OR2I1: variants seen among roughly 807,000 people sequenced by gnomAD.
The protein encoded by OR2I1 is olfactory receptor family 2 subfamily I member 1 (gene/pseudogene).
the OR2I1 span, among the ~76,000 whole-genome samples, chr6:29,551,647 A>C: frequency 4.6e-5 from 7 of 151,800 alleles, no homozygotes; most frequent in Non-Finnish European, 1.0e-4. Context: ...GCATTTATTA[A>C]AGGATGACAG....
the OR2I1 span, chr6:29,557,633 G>C: frequency 1.3e-5 from 2 of 152,156 alleles, no homozygotes; most frequent in African/African-American, 4.8e-5. Context: ...AACCCCTTCA[G>C]CATAAATTCC....
At chr6:29,556,021 GATC>G in the OR2I1 span, 1 of 1,613,034 alleles carries the variant, frequency 6.2e-7, no homozygotes. Context: ...TCTTAGTCTC[GATC>G]ATTGCTTTCA....
the OR2I1 span, among the ~76,000 whole-genome samples, chr6:29,551,142 C>A: frequency 6.6e-6 from 1 of 152,170 alleles, no homozygotes; most frequent in Non-Finnish European, 1.5e-5. Context: ...TTAGAGCTTG[C>A]CAGGCTGAAC....
At chr6:29,557,274 A>G in the OR2I1 span, 1 of 152,032 alleles carries the variant, frequency 6.6e-6, no homozygotes, top group Non-Finnish European at 1.5e-5. Context: ...ATTACAGCTC[A>G]CCCTGTGTTG....
At chr6:29,554,392 C>A in the OR2I1 span, 1 of 371,688 alleles carries the variant, frequency 2.7e-6, no homozygotes, top group East Asian at 3.9e-5. Context: ...AAAACCTACC[C>A]CTCACAACTC....
At chr6:29,554,347 C>T in the OR2I1 span, 2 of 393,546 alleles carry the variant, frequency 5.1e-6, no homozygotes, top group African/African-American at 4.1e-5. Flanking sequence ...GAGGGAAAAT[C>T]CCTAAATCCT....
At chr6:29,554,490 C>A in the OR2I1 span, 4 of 193,804 alleles carry the variant, frequency 2.1e-5, no homozygotes, top group Middle Eastern at 2.0e-3. Context: ...TTGGTCTCTG[C>A]AATCAGAAGT....
At chr6:29,551,492 C>A in the OR2I1 span, among the ~76,000 whole-genome samples, 2 of 152,288 alleles carry the variant, frequency 1.3e-5, no homozygotes, top group East Asian at 3.9e-4. Flanking sequence ...TAAAATAAGG[C>A]TATTGCCTAA....
the OR2I1 span, chr6:29,554,234 T>A: frequency 1.0e-5 from 4 of 398,104 alleles, no homozygotes; most frequent in Non-Finnish European, 1.3e-5. Flanking sequence ...GTGAGTCAGT[T>A]TAGACTTCAG....
chr6:29,553,204 C>T, the OR2I1 span: 3 of 398,706 alleles, frequency 7.5e-6, no homozygotes, highest in Admixed American at 8.8e-5. Context: ...TCCAAACATT[C>T]TGGGAGTTTT....
the OR2I1 span, chr6:29,553,668 C>A: frequency 2.5e-6 from 1 of 398,512 alleles, no homozygotes; most frequent in African/African-American, 2.1e-5. Context: ...CCTGGCTAAG[C>A]GGCCTCACCA....
chr6:29,554,249 T>C, the OR2I1 span: 32 of 397,830 alleles, frequency 8.0e-5, no homozygotes, highest in Admixed American at 1.2e-3. Flanking sequence ...CTTCAGGCTG[T>C]TCATTTTTGT....
the OR2I1 span, chr6:29,556,624 C>A: frequency 2.0e-5 from 9 of 455,848 alleles, no homozygotes; most frequent in Non-Finnish European, 3.5e-5. Context: ...ACTGAACGGA[C>A]GCTCTTTTGC....
At chr6:29,553,798 A>G in the OR2I1 span, 15 of 398,454 alleles carry the variant, frequency 3.8e-5, no homozygotes, top group East Asian at 5.0e-4. Flanking sequence ...CGACGGAGAC[A>G]CTACCGAGAA....
At chr6:29,557,206 T>A in the OR2I1 span, 2 of 152,230 alleles carry the variant, frequency 1.3e-5, no homozygotes, top group Non-Finnish European at 2.9e-5. Context: ...ACAAAGTTTT[T>A]TCTTTTTTCT....
At chr6:29,556,297 A>T in the OR2I1 span, 129 of 1,612,940 alleles carry the variant, frequency 8.0e-5, no homozygotes, top group Non-Finnish European at 9.7e-5. Context: ...TCACGCTGTC[A>T]TATGGGTTGG....
At chr6:29,550,860 A>G in the OR2I1 span, 1 of 152,234 alleles carries the variant, frequency 6.6e-6, no homozygotes, top group African/African-American at 2.4e-5. Flanking sequence ...TCATGAAGGT[A>G]AGTTGGGTAT....
chr6:29,552,646 G>C, the OR2I1 span, among the ~76,000 whole-genome samples: 1 of 152,078 alleles, frequency 6.6e-6, no homozygotes. Context: ...AGGACAAATA[G>C]ATAAAAGCAA....
the OR2I1 span, among the ~76,000 whole-genome samples, chr6:29,552,366 T>C: frequency 6.6e-6 from 1 of 152,212 alleles, no homozygotes; most frequent in South Asian, 2.1e-4. Context: ...GTCCTGATAT[T>C]CTAGTCTACC....
Sources: allele counts gnomAD v4.1 joint callset (sites outside exome capture counted in the v4.1 genomes callset), GRCh38; gene constraint gnomAD v4.1.1; transcripts MANE v1.5; gene names NCBI Gene and HGNC (gene_info 2026-07-23, HGNC 2026-07-21).